The following LRRC4C variants were observed in gnomAD, a reference collection of about 807,000 sequenced individuals.
The protein encoded by LRRC4C is leucine rich repeat containing 4C, also known as leucine-rich repeat-containing protein 4C.
Under a neutral mutation model 33.6 loss-of-function variants are expected in LRRC4C, and 5 were observed. The observed-to-expected ratio is 0.15, with a 90% CI of 0.08 to 0.31. LRRC4C has a LOEUF of 0.31. Among genes scored for constraint, LRRC4C ranks in the 10% least tolerant of loss-of-function variants. The probability of loss-of-function intolerance (pLI) is 1.00; values close to 1 mark genes in which losing one functional copy is unlikely to be tolerated. For synonymous variants in LRRC4C, 329 were observed against 302.0 expected, an observed-to-expected ratio of 1.09 and a Z score of -0.93; for missense variants, 560 against 796.7, an observed-to-expected ratio of 0.70 and a Z score of 3.58.
chr11:40,419,894 T>C (rs1387261931), intron 3 of LRRC4C, among the ~76,000 whole-genome samples: 1 of 152,198 alleles, frequency 6.6e-6, no homozygotes, highest in Non-Finnish European at 1.5e-5. Context: ...GGTTGAAGAA[T>C]GAAGCACCAG....
At chr11:41,014,270 T>C (rs1247426165) in intron 1 of LRRC4C, among the ~76,000 whole-genome samples, 1 of 152,010 alleles carries the variant, frequency 6.6e-6, no homozygotes, top group African/African-American at 2.4e-5. Flanking sequence ...TGGGTACACA[T>C]ATGAATACTG....
At chr11:41,165,550 C>T (rs1021061277) in intron 1 of LRRC4C, among the ~76,000 whole-genome samples, 1 of 152,054 alleles carries the variant, frequency 6.6e-6, no homozygotes, top group Non-Finnish European at 1.5e-5. Flanking sequence ...CAACCTGAGG[C>T]TCAAAAAGTT....
chr11:40,909,646 A>G (rs879690873), intron 2 of LRRC4C, among the ~76,000 whole-genome samples: 2 of 152,128 alleles, frequency 1.3e-5, no homozygotes, highest in South Asian at 2.1e-4. Context: ...GATCAGTTAT[A>G]TTATGTATAT....
At chr11:41,231,819 A>C (rs1389361496) in intron 1 of LRRC4C, among the ~76,000 whole-genome samples, 2 of 151,956 alleles carry the variant, frequency 1.3e-5, no homozygotes, top group Non-Finnish European at 2.9e-5. Context: ...ATGTAGATAT[A>C]CACATATATG....
chr11:41,085,296 C>A (rs1007245401), intron 1 of LRRC4C, among the ~76,000 whole-genome samples: 1 of 152,108 alleles, frequency 6.6e-6, no homozygotes, highest in Non-Finnish European at 1.5e-5. Context: ...TTACCCTGGG[C>A]TCTCAAGCTA....
chr11:40,851,192 C>A lies in LRRC4C; in HGVS notation c.-407+82443G>T, dbSNP rs1953473679. On this transcript the variant is annotated intron_variant, in intron 2 of 6. Coordinates refer to ENST00000528697, the MANE Select transcript of LRRC4C (RefSeq NM_001258419.2). ...CTGGGGTATGGGGGAAAAAAAAAAC[C>A]CTCCTGCAGCTAGCTTGGCTTCTGC... 8.5e-5 allele frequency among the ~76,000 whole-genome samples: 13 copies of A among 152,088 alleles called. No homozygotes were observed. The South Asian group carries it at 2.7e-3, about 32-fold the overall frequency.
At chr11:40,810,535 G>A (rs12295373) in intron 2 of LRRC4C, among the ~76,000 whole-genome samples, 16,182 of 152,032 alleles carry the variant, frequency 0.11, 1,476 homozygotes, top group African/African-American at 0.25. Context: ...TTTTAAACAC[G>A]GTGTCTTGCA....
chr11:40,959,105 T>C (rs796691331), intron 1 of LRRC4C, among the ~76,000 whole-genome samples: 35 of 151,702 alleles, frequency 2.3e-4, no homozygotes, highest in African/African-American at 8.0e-4. Flanking sequence ...GCTGATGTAG[T>C]TGGTTTTAGA....
chr11:41,425,362 C>G lies in LRRC4C; in HGVS notation c.-496+34069G>C, dbSNP rs1955004070. Reference sequence around the variant, plus strand: ...TTGCTACCTGGGCCTCTCTTTGGTACTTACTTGATTTTCTGGTAAGGGACT... The same window carrying G: ...TTGCTACCTGGGCCTCTCTTTGGTAGTTACTTGATTTTCTGGTAAGGGACT... On this transcript the variant is annotated intron_variant, in intron 1 of 6. Transcript: ENST00000528697. 2.0e-5 allele frequency among the ~76,000 whole-genome samples: 3 copies of G among 152,022 alleles called. No individual in the cohort carries two copies. In the South Asian group the frequency reaches 6.2e-4, roughly 31 times the overall value.
chr11:40,437,160 G>T (rs570067274), intron 3 of LRRC4C, among the ~76,000 whole-genome samples: 2 of 152,276 alleles, frequency 1.3e-5, no homozygotes, highest in Admixed American at 6.5e-5. Context: ...AACTATGAGT[G>T]AGTGCTTATT....
chr11:40,827,728 G>T (rs1952227175), intron 2 of LRRC4C, among the ~76,000 whole-genome samples: 1 of 151,734 alleles, frequency 6.6e-6, no homozygotes, highest in Non-Finnish European at 1.5e-5. Flanking sequence ...TTGCGTGTGT[G>T]CATGTATGGG....
intron 3 of LRRC4C, among the ~76,000 whole-genome samples, chr11:40,396,264 T>C (rs1280411898): frequency 1.3e-5 from 2 of 152,092 alleles, no homozygotes; most frequent in Non-Finnish European, 2.9e-5. Context: ...TTACTACACA[T>C]GTCTCTAGAC....
At chr11:40,911,003 G>A (rs1435842329) in intron 2 of LRRC4C, among the ~76,000 whole-genome samples, 1 of 152,198 alleles carries the variant, frequency 6.6e-6, no homozygotes, top group Non-Finnish European at 1.5e-5. Context: ...TGGGGGAGGG[G>A]CGCCTGCCAT....
intron 3 of LRRC4C, among the ~76,000 whole-genome samples, chr11:40,381,088 C>T (rs1308992686): frequency 6.6e-6 from 1 of 152,150 alleles, no homozygotes; most frequent in African/African-American, 2.4e-5. Flanking sequence ...GTGCAATATA[C>T]ATTTAATCTT....
chr11:41,294,388 G>A (rs1431754611), intron 1 of LRRC4C, among the ~76,000 whole-genome samples: 3 of 152,142 alleles, frequency 2.0e-5, no homozygotes, highest in Non-Finnish European at 4.4e-5. Flanking sequence ...TTTTTGGATT[G>A]GTCAATTTCG....
rs371100745 is a variant in LRRC4C at position 41,075,183 on chromosome 11, C to T, written c.-495-141460G>A. ...CTCTGCAGGAGATGTTTAGGCTCAA[C>T]GGTCACTTTGCCCCAGGCTGTTCTC... is the stretch of plus-strand genomic sequence containing the variant. On this transcript the variant is annotated intron_variant, in intron 1 of 6. Transcript: ENST00000528697. 1.1e-4 allele frequency among the ~76,000 whole-genome samples: 17 copies of T among 151,966 alleles called. 1 individual carries two copies. The highest frequency in any genetic ancestry group is 5.9e-4 in the Admixed American group (9 of 15,230).
intron 2 of LRRC4C, among the ~76,000 whole-genome samples, chr11:40,780,604 T>A (rs1046866349): frequency 2.0e-5 from 3 of 152,122 alleles, no homozygotes; most frequent in African/African-American, 7.2e-5. Flanking sequence ...TGACCTTTTT[T>A]AAATATGTAA....
intron 1 of LRRC4C, among the ~76,000 whole-genome samples, chr11:41,201,953 G>A (rs1190204884): frequency 1.3e-5 from 2 of 150,772 alleles, no homozygotes; most frequent in South Asian, 2.1e-4. Context: ...CACAAGTCCA[G>A]CAAATGCAGT....
At position 40,849,207 on chromosome 11, in the gene LRRC4C, C is replaced by T. The variant is rs144635504; in HGVS notation, c.-407+84428G>A. 5.7e-3 allele frequency among the ~76,000 whole-genome samples: 867 copies of T among 152,136 alleles called. 16 individuals carry two copies. The highest frequency in any genetic ancestry group is 0.052 in the East Asian group (266 of 5,164). On this transcript the variant is annotated intron_variant, in intron 2 of 6. Coordinates refer to ENST00000528697, the MANE Select transcript of LRRC4C (RefSeq NM_001258419.2). ...TATGATGCTAGCTGGTTATTTTGCCCGTTAGTTGATGCAATTTCTTCATAG... is the reference window on the plus strand; with the variant it reads ...TATGATGCTAGCTGGTTATTTTGCCTGTTAGTTGATGCAATTTCTTCATAG...
Sources: gnomAD v4.1 joint callset for allele counts (sites outside exome capture counted in the v4.1 genomes callset) on GRCh38, gnomAD v4.1.1 for gene constraint, MANE v1.5 for transcripts, NCBI Gene and HGNC (gene_info 2026-07-23, HGNC 2026-07-21) for gene names.